SLC45A4: variants seen among roughly 807,000 people sequenced by gnomAD.
SLC45A4 encodes the protein solute carrier family 45 member 4, also known as polyamine-transporter SLC45A4.
SLC45A4 carries 32 observed loss-of-function variants against 63.7 expected under a neutral mutation model. The ratio of observed to expected loss-of-function variants is 0.50; its 90% CI spans 0.38 to 0.67. SLC45A4 has a LOEUF of 0.67. Ranked by LOEUF, SLC45A4 falls within the 30% of genes least tolerant of loss-of-function variation. The pLI is 0.00. For synonymous variants in SLC45A4, 535 were observed against 510.0 expected (o/e 1.05, Z -0.66); for missense variants, 1,027 against 1,157.7 (o/e 0.89, Z 1.64).
intron 1 of SLC45A4, among the ~76,000 whole-genome samples, chr8:141,301,734 C>CAAAGAAAAAA (rs1830749786): frequency 2.5e-5 from 1 of 39,564 alleles, no homozygotes; most frequent in South Asian, 1.1e-3. Context: ...GACCCTATCT[C>CAAAGAAAAAA]AAAAAAAAAA....
At position 141,227,718 on chromosome 8, in the gene SLC45A4, T is replaced by A. The variant is rs1827099443; in HGVS notation, c.242-5953A>T. 6.6e-6 allele frequency among the ~76,000 whole-genome samples: 1 copy of A among 152,144 alleles called. No homozygotes were observed. Among genetic ancestry groups the A allele is most frequent in the African/African-American group, 2.4e-5 (1 of 41,426 alleles). On this transcript the variant is annotated intron_variant, in intron 2 of 8. Transcript: ENST00000517878. The surrounding 1 kb of genome is among the most constrained non-coding windows in gnomAD (Gnocchi z 4.4). ...GCGAGGGCCCCACAGCTGCAAGGAATGTTCCAGAACCACTACAGCCACAGG... is the reference window on the plus strand; with the variant it reads ...GCGAGGGCCCCACAGCTGCAAGGAAAGTTCCAGAACCACTACAGCCACAGG...
At chr8:141,231,241 C>T (rs567358609) in intron 2 of SLC45A4, among the ~76,000 whole-genome samples, 6 of 152,322 alleles carry the variant, frequency 3.9e-5, no homozygotes, top group Admixed American at 2.6e-4. Context: ...ACAGCCAGGC[C>T]GGGAAGGCCT....
In SLC45A4 at chr8:141,227,247, G is replaced by C. The variant is rs905475239; in HGVS notation, c.242-5482C>G. Among the ~76,000 whole-genome samples, 3 of 152,328 alleles carry C rather than the reference G, an allele frequency of 2.0e-5. No homozygotes were observed. The highest frequency in any genetic ancestry group is 3.4e-3 in the Middle Eastern group (1 of 294). ...CTGTGTGAGGTCACGGGCGACGCTCGGGTCACGTGTGGCGGCTCCTGTTCA... is the reference window on the plus strand; with the variant it reads ...CTGTGTGAGGTCACGGGCGACGCTCCGGTCACGTGTGGCGGCTCCTGTTCA... On this transcript the variant is annotated intron_variant, in intron 2 of 8. Coordinates refer to ENST00000517878, the MANE Select transcript of SLC45A4 (RefSeq NM_001286646.2). The surrounding 1 kb of genome is among the most constrained non-coding windows in gnomAD (Gnocchi z 4.4).
At chr8:141,286,464 C>T (rs1830150201) in intron 1 of SLC45A4, among the ~76,000 whole-genome samples, 1 of 152,214 alleles carries the variant, frequency 6.6e-6, no homozygotes, top group African/African-American at 2.4e-5. Flanking sequence ...ACCCTTTACC[C>T]ACACGCCCTA....
rs1040739590 is a variant in SLC45A4, at chr8:141,227,750, G to A, written c.242-5985C>T. On this transcript the variant is annotated intron_variant, in intron 2 of 8. Coordinates refer to ENST00000517878, the MANE Select transcript of SLC45A4 (RefSeq NM_001286646.2). The surrounding 1 kb of genome is among the most constrained non-coding windows in gnomAD (Gnocchi z 4.4). ...GAACCACTACAGCCACAGGAAGATAGGGAGGGGGTGAAAAGAGGGGCAAGC... is the reference window on the plus strand; with the variant it reads ...GAACCACTACAGCCACAGGAAGATAAGGAGGGGGTGAAAAGAGGGGCAAGC... Among the ~76,000 whole-genome samples the A allele has an allele frequency of 5.9e-5, 9 of 152,204 alleles. No individual in the cohort carries two copies. The highest frequency in any genetic ancestry group is 7.4e-5 in the Non-Finnish European group (5 of 68,024).
intron 1 of SLC45A4, among the ~76,000 whole-genome samples, chr8:141,267,567 G>A (rs146776117): frequency 1.3e-5 from 2 of 152,334 alleles, no homozygotes; most frequent in African/African-American, 4.8e-5. Context: ...TGGATTTTGA[G>A]GCTTAAAGAG....
chr8:141,212,130 G>T, intron 8 of SLC45A4, 67 bp downstream of exon 8: 1 of 1,210,968 alleles, frequency 8.3e-7, no homozygotes, highest in Non-Finnish European at 1.0e-6. Flanking sequence ...CCATGGCCTG[G>T]CCCCGCCGCC....
intron 2 of SLC45A4, among the ~76,000 whole-genome samples, chr8:141,240,371 C>G (rs908664166): frequency 6.6e-6 from 1 of 152,186 alleles, no homozygotes; most frequent in Non-Finnish European, 1.5e-5. Context: ...AGTATACTTC[C>G]TGAACCAAGA....
rs781136721 is a variant in SLC45A4, at chr8:141,218,836, C to G, written c.804G>C (p.Glu268Asp). The change falls in exon 5 of 9, where the codon GAG (glutamate) becomes GAC (aspartate). Residue 268 changes from glutamate to aspartate, a missense_variant. Coordinates refer to ENST00000517878, the MANE Select transcript of SLC45A4 (RefSeq NM_001286646.2). ...YSPQQERSAE[E>D]PGALDGGEPH... ...GCTCGCCCCCATCCAGGGCGCCGGG[C>G]TCCTCAGCGCTGCGCTCCTGCTGCG... 7 of 1,613,158 alleles carry G rather than the reference C, an allele frequency of 4.3e-6. No homozygotes were observed. In the South Asian group the frequency reaches 7.7e-5, roughly 18 times the overall value.
chr8:141,261,521 A>C lies in SLC45A4; in HGVS notation c.-400-6892T>G, dbSNP rs1829036965. ...CCTTAAGCTGATAAGCAACTTCAGCAAAGTCTCAGGATACAAAATCAATGT... is the reference window on the plus strand; with the variant it reads ...CCTTAAGCTGATAAGCAACTTCAGCCAAGTCTCAGGATACAAAATCAATGT... On this transcript the variant is annotated intron_variant, in intron 1 of 8. Transcript: ENST00000517878. Among the ~76,000 whole-genome samples the C allele has an allele frequency of 2.6e-5, 4 of 152,272 alleles. No homozygotes were observed. In the South Asian group the frequency reaches 8.3e-4, roughly 32 times the overall value.
At chr8:141,252,431 GTGTC>G (rs1828510643) in intron 2 of SLC45A4, 1 of 154,392 alleles carries the variant, frequency 6.5e-6, no homozygotes, top group Non-Finnish European at 1.4e-5. Context: ...GCCCACCTGC[GTGTC>G]TGTGAATTTC....
intron 2 of SLC45A4, chr8:141,228,563 T>TC: frequency 1.6e-6 from 2 of 1,233,154 alleles, no homozygotes; most frequent in Non-Finnish European, 2.0e-6. Flanking sequence ...TGGGCTCCTC[T>TC]CTGCCCTATC....
rs773176282 is a variant in SLC45A4 at position 141,211,566 on chromosome 8, ATTC to A, written c.*3_*5del. The A allele has an allele frequency of 6.2e-7, 1 of 1,613,418 alleles. No individual in the cohort carries two copies. The highest frequency in any genetic ancestry group is 1.3e-5 in the African/African-American group (1 of 75,054). On this transcript the variant is annotated 3_prime_UTR_variant, in exon 9 of 9. Coordinates refer to ENST00000517878, the MANE Select transcript of SLC45A4 (RefSeq NM_001286646.2). ...CTCGCTGAGGAAAAGAAGATACGTCATTCTTCTAAGAGAACCACATTGTGGAAA... is the reference window on the plus strand; with the variant it reads ...CTCGCTGAGGAAAAGAAGATACGTCATTCTAAGAGAACCACATTGTGGAAA...
intron 2 of SLC45A4, among the ~76,000 whole-genome samples, chr8:141,240,342 T>G (rs996037806): frequency 3.3e-5 from 5 of 152,224 alleles, no homozygotes. Context: ...TTCTTTTACA[T>G]GATTTTCCTT....
chr8:141,242,251 G>A (rs1001365548), intron 2 of SLC45A4, among the ~76,000 whole-genome samples: 2 of 152,138 alleles, frequency 1.3e-5, no homozygotes, highest in African/African-American at 4.8e-5. Flanking sequence ...TGATCAAAAG[G>A]CCCAGAGTCT....
intron 1 of SLC45A4, chr8:141,292,717 C>G (rs1300982445): frequency 6.5e-6 from 1 of 152,724 alleles, no homozygotes; most frequent in Non-Finnish European, 1.5e-5. Flanking sequence ...CCTGGTAACA[C>G]GAGGACCTGA....
chr8:141,285,731 G>A (rs1359103057), intron 1 of SLC45A4, among the ~76,000 whole-genome samples: 1 of 152,228 alleles, frequency 6.6e-6, no homozygotes, highest in Non-Finnish European at 1.5e-5. Flanking sequence ...CGGAAAGCAC[G>A]ACACCGGGCA....
chr8:141,277,175 T>C (rs1265101326), intron 1 of SLC45A4, among the ~76,000 whole-genome samples: 2 of 152,264 alleles, frequency 1.3e-5, no homozygotes, highest in Non-Finnish European at 1.5e-5. Flanking sequence ...CGGCCACATG[T>C]GGACAGACAT....
chr8:141,284,073 TAC>T (rs1276122547), intron 1 of SLC45A4, among the ~76,000 whole-genome samples: 1 of 152,244 alleles, frequency 6.6e-6, no homozygotes, highest in Non-Finnish European at 1.5e-5. Context: ...GGCTTTCATG[TAC>T]ACATTATGCA....
Sources: gnomAD v4.1 joint callset for allele counts (sites outside exome capture counted in the v4.1 genomes callset) on GRCh38, gnomAD v4.1.1 for gene constraint, Gnocchi (gnomAD v3.1) non-coding constraint, MANE v1.5 for transcripts, NCBI Gene and HGNC (gene_info 2026-07-23, HGNC 2026-07-21) for gene names.